NEMP2: variants seen among roughly 807,000 people sequenced by gnomAD.
NEMP2 encodes nuclear envelope integral membrane protein 2, also known as UPF0571 transmembrane protein.
Under a neutral mutation model 54.2 loss-of-function variants are expected in NEMP2, and 53 were observed. The ratio of observed to expected loss-of-function variants is 0.98; its 90% CI spans 0.78 to 1.23. The LOEUF (loss-of-function observed/expected upper bound fraction) is 1.23. Among genes scored for constraint, NEMP2 ranks in the 50% most tolerant of loss-of-function variants. The probability of loss-of-function intolerance (pLI) is 0.00; values close to 1 mark genes in which losing one functional copy is unlikely to be tolerated. For missense variants in NEMP2, 455 were observed against 511.3 expected, an observed-to-expected ratio of 0.89 and a Z score of 1.06; for synonymous variants, 197 against 190.3, an observed-to-expected ratio of 1.04 and a Z score of -0.29.
chr2:190,501,419 T>A (rs1690018390), downstream of NEMP2: 1 of 152,126 alleles, frequency 6.6e-6, no homozygotes, highest in South Asian at 2.1e-4. Flanking sequence ...GCCAGAACAA[T>A]GGCTGGGTGG....
At chr2:190,429,671 A>T in the NEMP2 span, among the ~76,000 whole-genome samples, 2 of 151,420 alleles carry the variant, frequency 1.3e-5, no homozygotes, top group Non-Finnish European at 2.9e-5. Flanking sequence ...TGTTTAATAT[A>T]CTCTGTGTCT....
Position 190,507,274 on chromosome 2 carries a change from G to C in NEMP2, c.*1915C>G, listed in dbSNP as rs1186367620. The C allele has an allele frequency of 6.6e-6, 1 of 152,154 alleles. No homozygotes were observed. Among genetic ancestry groups the C allele is most frequent in the Non-Finnish European group, 1.5e-5 (1 of 68,028 alleles). The allele number at this position is 152,154 out of a possible 1,614,324, so 9.4% of individuals were successfully genotyped here. On this transcript the variant is annotated 3_prime_UTR_variant, in exon 9 of 9. Transcript: ENST00000409150. The surrounding 1 kb of genome is among the most constrained non-coding windows in gnomAD (Gnocchi z 4.4). ...TTCTCTCTTTGGCTGTTTTTACTGT[G>C]ATGGTTACACCTGGCTAGCTGCCCA...
chr2:190,497,603 C>G, the NEMP2 span: 1 of 1,614,056 alleles, frequency 6.2e-7, no homozygotes, highest in African/African-American at 1.3e-5. The surrounding 1 kb of genome is among the most constrained non-coding windows in gnomAD (Gnocchi z 5.2). Context: ...TGTGAACAAA[C>G]CAGCCTGGGG....
the NEMP2 span, among the ~76,000 whole-genome samples, chr2:190,593,332 C>T: frequency 2.6e-5 from 4 of 152,124 alleles, no homozygotes. This position sits in a 1 kb window ranked among gnomAD's most constrained non-coding sequence, Gnocchi z 4.5. Flanking sequence ...TCATGTGATA[C>T]AGATTGAAGG....
At chr2:190,445,629 C>T in the NEMP2 span, among the ~76,000 whole-genome samples, 3 of 152,134 alleles carry the variant, frequency 2.0e-5, no homozygotes, top group African/African-American at 7.2e-5. Flanking sequence ...CATTCGGATA[C>T]ATAAAAGACA....
the NEMP2 span, among the ~76,000 whole-genome samples, chr2:190,575,014 C>A: frequency 9.7e-4 from 147 of 152,058 alleles, no homozygotes; most frequent in African/African-American, 3.4e-3. Context: ...ACCACCATGC[C>A]CGGCTACTTT....
Position 190,530,301 on chromosome 2 carries a change from C to T in NEMP2, c.97+4258G>A, listed in dbSNP as rs4258824. Among the ~76,000 whole-genome samples, 26,042 of 152,144 alleles carry T rather than the reference C, an allele frequency of 0.17. 2,382 individuals carry two copies. The highest frequency in any genetic ancestry group is 0.3 in the East Asian group (1,568 of 5,162). ...AGGTGAAGCTGATGTGGAATTTACA[C>T]AATCCATGAGATTCCACAAAGTGTC... On this transcript the variant is annotated intron_variant, in intron 1 of 8. Coordinates refer to ENST00000409150, the MANE Select transcript of NEMP2 (RefSeq NM_001142645.2). The surrounding 1 kb of genome is among the most constrained non-coding windows in gnomAD (Gnocchi z 4.6).
chr2:190,514,391 C>A lies in NEMP2; in HGVS notation c.953+62G>T, dbSNP rs1009349049. ...TTAACATGATGTGTGCAAACACTCT[C>A]CCAAATAATAAAACTAGAGCTCAAA... is the stretch of plus-strand genomic sequence containing the variant. On this transcript the variant is annotated intron_variant, in intron 7 of 8. Transcript: ENST00000409150. The surrounding 1 kb of genome is among the most constrained non-coding windows in gnomAD (Gnocchi z 5.7). The A allele has an allele frequency of 1.4e-6, 2 of 1,389,110 alleles. No individual in the cohort carries two copies. Among genetic ancestry groups the A allele is most frequent in the Admixed American group, 2.0e-5 (1 of 50,606 alleles). The allele number at this position is 1,389,110 out of a possible 1,614,324, so 86.0% of individuals were successfully genotyped here. A position where few individuals can be genotyped will look rare whatever the true frequency, so the allele number is the denominator to read the frequency against.
the NEMP2 span, chr2:190,497,931 C>A: frequency 2.2e-6 from 1 of 456,734 alleles, no homozygotes; most frequent in Non-Finnish European, 3.8e-6. This position sits in a 1 kb window ranked among gnomAD's most constrained non-coding sequence, Gnocchi z 5.2. Flanking sequence ...TTATGGAGTT[C>A]AGGAAAACTT....
At chr2:190,646,182 C>G in the NEMP2 span, among the ~76,000 whole-genome samples, 1 of 152,228 alleles carries the variant, frequency 6.6e-6, no homozygotes, top group Non-Finnish European at 1.5e-5. Flanking sequence ...ATTCTTACAC[C>G]TGTCTGGGAT....
At chr2:190,572,873 A>ATATATATATATATGTATG in the NEMP2 span, among the ~76,000 whole-genome samples, 4 of 110,324 alleles carry the variant, frequency 3.6e-5, no homozygotes, top group Admixed American at 9.2e-5. Flanking sequence ...ATATATATAT[A>ATATATATATATATGTATG]TATGTATATA....
At chr2:190,464,926 G>T in the NEMP2 span, 467 of 983,044 alleles carry the variant, frequency 4.8e-4, no homozygotes, top group Admixed American at 1.2e-3. Flanking sequence ...GGGGAGGGTG[G>T]ATTTAGCCAT....
At chr2:190,622,950 C>CA in the NEMP2 span, among the ~76,000 whole-genome samples, 1 of 151,682 alleles carries the variant, frequency 6.6e-6, no homozygotes, top group African/African-American at 2.4e-5. Context: ...AAGATTCCAC[C>CA]AAAAAACTAG....
rs568325680 is a variant in NEMP2 at position 190,507,586 on chromosome 2, T to A, written c.*1603A>T. On this transcript the variant is annotated 3_prime_UTR_variant, in exon 9 of 9. Coordinates refer to ENST00000409150, the MANE Select transcript of NEMP2 (RefSeq NM_001142645.2). The surrounding 1 kb of genome is among the most constrained non-coding windows in gnomAD (Gnocchi z 4.4). ...ATAAAATAGTTACCATAAATCTGAA[T>A]GGAAAATATATCCTTTGGTTTTTTA... 6.6e-6 allele frequency: 1 copy of A among 152,256 alleles called. No homozygotes were observed. The highest frequency in any genetic ancestry group is 1.9e-4 in the East Asian group (1 of 5,188). The allele number at this position is 152,256 out of a possible 1,614,324, so 9.4% of individuals were successfully genotyped here. A position where few individuals can be genotyped will look rare whatever the true frequency, so the allele number is the denominator to read the frequency against.
chr2:190,500,302 C>T (rs531229116), downstream of NEMP2: 15 of 1,456,820 alleles, frequency 1.0e-5, no homozygotes, highest in African/African-American at 2.0e-4. The surrounding 1 kb of genome is among the most constrained non-coding windows in gnomAD (Gnocchi z 5.3). Context: ...CAGGATATGC[C>T]TCCCCTGGAG....
the NEMP2 span, among the ~76,000 whole-genome samples, chr2:190,495,307 C>T: frequency 6.6e-6 from 1 of 152,090 alleles, no homozygotes; most frequent in Non-Finnish European, 1.5e-5. This position sits in a 1 kb window ranked among gnomAD's most constrained non-coding sequence, Gnocchi z 4.7. Context: ...TGAAAGACCT[C>T]TACAAGGAAA....
At chr2:190,547,737 T>C in the NEMP2 span, among the ~76,000 whole-genome samples, 12 of 152,176 alleles carry the variant, frequency 7.9e-5, no homozygotes, top group East Asian at 1.9e-4. This position sits in a 1 kb window ranked among gnomAD's most constrained non-coding sequence, Gnocchi z 6.2. Context: ...GGTTTCATCA[T>C]GTTGGCCAGG....
chr2:190,611,224 G>A, the NEMP2 span, among the ~76,000 whole-genome samples: 2 of 152,082 alleles, frequency 1.3e-5, no homozygotes, highest in Non-Finnish European at 2.9e-5. The surrounding 1 kb of genome is among the most constrained non-coding windows in gnomAD (Gnocchi z 5.4). Flanking sequence ...AGAATTATAG[G>A]AGTCTCCCAT....
the NEMP2 span, among the ~76,000 whole-genome samples, chr2:190,470,903 G>GTATATA: frequency 2.0e-5 from 3 of 150,982 alleles, no homozygotes; most frequent in Admixed American, 6.6e-5. Context: ...TAAAATTCAA[G>GTATATA]TATATATATA....
Sources: gnomAD v4.1 joint callset for allele counts (sites outside exome capture counted in the v4.1 genomes callset) on GRCh38, gnomAD v4.1.1 for gene constraint, Gnocchi (gnomAD v3.1) non-coding constraint, MANE v1.5 for transcripts, NCBI Gene and HGNC (gene_info 2026-07-23, HGNC 2026-07-21) for gene names.